The following PCDHGA2 variants were observed in gnomAD, a reference collection of about 807,000 sequenced individuals.
PCDHGA2 encodes the protein protocadherin gamma subfamily A, 2.
A neutral mutation model predicts 59.2 loss-of-function variants in PCDHGA2; 40 were observed. The ratio of observed to expected loss-of-function variants is 0.68; its 90% CI spans 0.52 to 0.88. The LOEUF is 0.88. Ranked by LOEUF, PCDHGA2 falls within the 40% of genes least tolerant of loss-of-function variation. The probability of loss-of-function intolerance (pLI) is 0.00; values close to 1 mark genes in which losing one functional copy is unlikely to be tolerated. For missense variants in PCDHGA2, 1,226 were observed against 1,204.0 expected (o/e 1.02, Z -0.27); for synonymous variants, 560 against 526.0 (o/e 1.06, Z -0.89).
At chr5:141,352,241 G>T in intron 1 of PCDHGA2, 1 of 1,614,080 alleles carries the variant, frequency 6.2e-7, no homozygotes, top group Non-Finnish European at 8.5e-7. Flanking sequence ...CCTAATCTTC[G>T]CGGATAGCCT....
In PCDHGA2 at chr5:141,360,085, C is replaced by T. The variant is rs1314618060; in HGVS notation, c.2424+18690C>T. ...GTGACCTTAGCCCGGATTCTGCCAT[C>T]CCCGGAAGGCTTATTCCTCCTATGG... On this transcript the variant is annotated intron_variant, in intron 1 of 3. Coordinates refer to ENST00000394576, the MANE Select transcript of PCDHGA2 (RefSeq NM_018915.4). 3.3e-6 allele frequency: 5 copies of T among 1,492,600 alleles called. No individual in the cohort carries two copies. The African/African-American group carries it at 5.7e-5, about 17-fold the overall frequency. The allele number at this position is 1,492,600 out of a possible 1,614,324, so 92.5% of individuals were successfully genotyped here.
At chr5:141,385,499 A>G in intron 1 of PCDHGA2, 1 of 1,381,812 alleles carries the variant, frequency 7.2e-7, no homozygotes, top group Non-Finnish European at 9.4e-7. Context: ...AGGATATAGT[A>G]TTTCTTTAGT....
intron 1 of PCDHGA2, chr5:141,410,011 G>T (rs2095347816): frequency 6.2e-7 from 1 of 1,613,184 alleles, no homozygotes; most frequent in South Asian, 1.1e-5. Context: ...ACAACGCCTG[G>T]CTGTCCTACC....
At chr5:141,352,463 G>C (rs779356890) in intron 1 of PCDHGA2, 12 of 1,613,902 alleles carry the variant, frequency 7.4e-6, no homozygotes, top group Non-Finnish European at 1.0e-5. Context: ...TGGGCCCGGG[G>C]TTCCTCCCAA....
chr5:141,360,290 A>G, intron 1 of PCDHGA2: 4 of 1,614,018 alleles, frequency 2.5e-6, no homozygotes, highest in Non-Finnish European at 3.4e-6. Flanking sequence ...AACCTCGCCA[A>G]GGATCTGGGG....
At chr5:141,433,951 A>G (rs2097667078) in intron 1 of PCDHGA2, among the ~76,000 whole-genome samples, 1 of 152,032 alleles carries the variant, frequency 6.6e-6, no homozygotes, top group African/African-American at 2.4e-5. Context: ...TGTTTCTTCT[A>G]CAGTTGTTAA....
Position 141,432,949 on chromosome 5 carries a change from C to T in PCDHGA2, c.2425-61858C>T. 1.2e-6 allele frequency: 2 copies of T among 1,614,184 alleles called. No homozygotes were observed. Among genetic ancestry groups the T allele is most frequent in the Non-Finnish European group, 1.7e-6 (2 of 1,180,040 alleles). On this transcript the variant is annotated intron_variant, in intron 1 of 3. Coordinates refer to ENST00000394576, the MANE Select transcript of PCDHGA2 (RefSeq NM_018915.4). This position sits in a 1 kb window ranked among gnomAD's most constrained non-coding sequence, Gnocchi z 6.0. Reference sequence around the variant, plus strand: ...CACGCCTGCTGCAGGCTTCAGGAGGCGGCTTGACAGGAGCGCCGGCGTCGC... The same window carrying T: ...CACGCCTGCTGCAGGCTTCAGGAGGTGGCTTGACAGGAGCGCCGGCGTCGC...
At position 141,355,073 on chromosome 5, in the gene PCDHGA2, G is replaced by A. The variant is rs564190348; in HGVS notation, c.2424+13678G>A. 7.9e-5 allele frequency: 109 copies of A among 1,374,920 alleles called. No individual in the cohort carries two copies. The African/African-American group carries it at 9.3e-4, about 12-fold the overall frequency. The allele number at this position is 1,374,920 out of a possible 1,614,324, so 85.2% of individuals were successfully genotyped here. A position where few individuals can be genotyped will look rare whatever the true frequency, so the allele number is the denominator to read the frequency against. On this transcript the variant is annotated intron_variant, in intron 1 of 3. Coordinates refer to ENST00000394576, the MANE Select transcript of PCDHGA2 (RefSeq NM_018915.4). ...GCACTGGCTCTGGAGCTTTATGAAA[G>A]CTTCAAGCGGAAGCCCTGAGAGCTC...
rs1366118961 is a variant in PCDHGA2 at position 141,375,763 on chromosome 5, C to T, written c.2424+34368C>T. The T allele has an allele frequency of 3.7e-6, 6 of 1,614,124 alleles. No homozygotes were observed. The African/African-American group carries it at 6.7e-5, about 18-fold the overall frequency. On this transcript the variant is annotated intron_variant, in intron 1 of 3. Transcript: ENST00000394576. ...TGCTGGACCAGAATGACAATGCGCC[C>T]GAGATCCTGTACCCCGCCCTCCCCA...
chr5:141,495,735 T>C (rs1595351919), intron 2 of PCDHGA2, among the ~76,000 whole-genome samples: 1 of 152,044 alleles, frequency 6.6e-6, no homozygotes, highest in Admixed American at 6.5e-5. Context: ...CCTTAGTCTC[T>C]TTCTCCTTCT....
At position 141,424,020 on chromosome 5, in the gene PCDHGA2, C is replaced by A. The variant is rs1326303938; in HGVS notation, c.2425-70787C>A. ...TATATAGATACAAATTAATGATTCA[C>A]AAACACTTTTTATTTCCATTTCAAT... On this transcript the variant is annotated intron_variant, in intron 1 of 3. Coordinates refer to ENST00000394576, the MANE Select transcript of PCDHGA2 (RefSeq NM_018915.4). 3 of 1,050,122 alleles carry A rather than the reference C, an allele frequency of 2.9e-6. No individual in the cohort carries two copies. In the East Asian group the frequency reaches 2.2e-4, roughly 77 times the overall value. The allele number at this position is 1,050,122 out of a possible 1,614,324, so 65.1% of individuals were successfully genotyped here. A position where few individuals can be genotyped will look rare whatever the true frequency, so the allele number is the denominator to read the frequency against.
intron 1 of PCDHGA2, chr5:141,356,725 T>C (rs780083329): frequency 3.1e-6 from 5 of 1,613,818 alleles, no homozygotes; most frequent in Non-Finnish European, 4.2e-6. Context: ...CTCCATCAAC[T>C]CCAATACAGG....
intron 1 of PCDHGA2, chr5:141,375,325 G>T: frequency 6.2e-7 from 1 of 1,613,768 alleles, no homozygotes; most frequent in Non-Finnish European, 8.5e-7. Context: ...ACCGGGAAGA[G>T]GTATTCTTGT....
intron 1 of PCDHGA2, chr5:141,415,489 C>G: frequency 6.2e-7 from 1 of 1,614,220 alleles, no homozygotes; most frequent in Non-Finnish European, 8.5e-7. Flanking sequence ...AAAGAGTCAC[C>G]TGATCTTCCC....
In PCDHGA2 at chr5:141,489,291, C is replaced by A; in HGVS notation, c.2425-5516C>A. ...TCGCTGGGAAATGGCAAGTGCTGTG[C>A]ATGTTGTCCTTGTGCTGCTGGGGCT... is the stretch of plus-strand genomic sequence containing the variant. On this transcript the variant is annotated intron_variant, in intron 1 of 3. Transcript: ENST00000394576. This position sits in a 1 kb window ranked among gnomAD's most constrained non-coding sequence, Gnocchi z 4.5. 6.3e-7 allele frequency: 1 copy of A among 1,577,628 alleles called. No homozygotes were observed. The highest frequency in any genetic ancestry group is 8.6e-7 in the Non-Finnish European group (1 of 1,161,994).
At chr5:141,483,694 C>T (rs915328297) in intron 1 of PCDHGA2, among the ~76,000 whole-genome samples, 3 of 151,952 alleles carry the variant, frequency 2.0e-5, no homozygotes, top group African/African-American at 4.8e-5. Flanking sequence ...AGCCAGATTC[C>T]TCTTTTTGAC....
intron 1 of PCDHGA2, chr5:141,478,588 T>G (rs2099465964): frequency 6.3e-7 from 1 of 1,575,000 alleles, no homozygotes; most frequent in African/African-American, 1.4e-5. Flanking sequence ...TAGTGCTTTT[T>G]TATTCCTACA....
At chr5:141,494,362 A>T (rs527454959) in intron 1 of PCDHGA2, among the ~76,000 whole-genome samples, 47 of 152,300 alleles carry the variant, frequency 3.1e-4, no homozygotes, top group Admixed American at 8.5e-4. Context: ...GCTGCAGAGG[A>T]TGCTTTGTTC....
intron 1 of PCDHGA2, chr5:141,398,025 A>T (rs1481347884): frequency 1.4e-6 from 2 of 1,445,136 alleles, no homozygotes; most frequent in Non-Finnish European, 1.8e-6. Flanking sequence ...CTAAACTGGA[A>T]CTGGAACTAA....
Sources: allele counts gnomAD v4.1 joint callset (sites outside exome capture counted in the v4.1 genomes callset), GRCh38; gene constraint gnomAD v4.1.1; non-coding constraint Gnocchi (gnomAD v3.1); transcripts MANE v1.5; gene names NCBI Gene and HGNC (gene_info 2026-07-23, HGNC 2026-07-21).